The following LYRM4 variants were observed in gnomAD, a reference collection of about 807,000 sequenced individuals.
LYRM4 encodes the protein LYR motif-containing protein 4.
Under a neutral mutation model 11.7 loss-of-function variants are expected in LYRM4, and 9 were observed. The observed-to-expected ratio is 0.77, with a 90% CI of 0.46 to 1.34. The LOEUF is 1.34. Ranked by LOEUF, LYRM4 falls within the 40% of genes most tolerant of loss-of-function variation. The pLI, the probability that LYRM4 is intolerant of heterozygous loss-of-function variation, is 0.00. For synonymous variants in LYRM4, 42 were observed against 40.4 expected (o/e 1.04, Z -0.15); for missense variants, 133 against 112.5 (o/e 1.18, Z -0.82).
At chr6:5,066,150 C>A in the LYRM4 span, 1 of 584,848 alleles carries the variant, frequency 1.7e-6, no homozygotes. Context: ...TTTCCAGCCG[C>A]CCATTTTGGG....
At position 5,165,943 on chromosome 6, in the gene LYRM4, C is replaced by T. The variant is rs183316746; in HGVS notation, c.207+50675G>A. ...ACTAAAAAATTCTCAAATGAAACTA[C>T]GAATTATGGAAGAAATTTAGATTAT... On this transcript the variant is annotated intron_variant, in intron 2 of 2. Transcript: ENST00000330636. Among the ~76,000 whole-genome samples the T allele has an allele frequency of 2.0e-5, 3 of 152,136 alleles. No individual in the cohort carries two copies. In the East Asian group the frequency reaches 5.8e-4, roughly 29 times the overall value.
At chr6:5,071,858 C>T in the LYRM4 span, among the ~76,000 whole-genome samples, 39,303 of 151,846 alleles carry the variant, frequency 0.26, 5,235 homozygotes, top group Middle Eastern at 0.32. Context: ...TTGGCCAGGC[C>T]GGTCTCGAAC....
the LYRM4 span, chr6:5,066,783 G>T: frequency 3.1e-5 from 23 of 733,486 alleles, no homozygotes; most frequent in African/African-American, 2.8e-4. Context: ...GTCTAAGATG[G>T]AGTTTAACAC....
At chr6:5,168,993 A>G (rs534095365) in intron 2 of LYRM4, among the ~76,000 whole-genome samples, 1 of 152,298 alleles carries the variant, frequency 6.6e-6, no homozygotes, top group East Asian at 1.9e-4. Context: ...TGGGGAAGGT[A>G]TATGGGTTTT....
Position 5,108,990 on chromosome 6 carries a change from C to T in LYRM4, c.*433G>A, listed in dbSNP as rs1467088741. The T allele has an allele frequency of 1.8e-5, 18 of 1,000,826 alleles. No individual in the cohort carries two copies. The highest frequency in any genetic ancestry group is 9.9e-5 in the East Asian group (1 of 10,082). 62.0% of individuals were successfully genotyped at this position (1,000,826 alleles called of 1,614,324 possible). Reference sequence around the variant, plus strand: ...CTCAGAGTTGAACCCTCCCTGAGGGCCCCCAACAGCCCTCTCCAGGCCTTG... The same window carrying T: ...CTCAGAGTTGAACCCTCCCTGAGGGTCCCCAACAGCCCTCTCCAGGCCTTG... On this transcript the variant is annotated 3_prime_UTR_variant, in exon 3 of 3. Transcript: ENST00000330636.
chr6:5,066,510 C>A, the LYRM4 span: 1 of 792,776 alleles, frequency 1.3e-6, no homozygotes, highest in Non-Finnish European at 2.3e-6. Context: ...TACTCCACCA[C>A]TTCTAGGATC....
the LYRM4 span, among the ~76,000 whole-genome samples, chr6:5,036,929 C>T: frequency 5.9e-5 from 9 of 152,076 alleles, no homozygotes; most frequent in Non-Finnish European, 1.0e-4. Flanking sequence ...TAGGAGGGTG[C>T]CCTTCAAAGT....
chr6:5,120,731 C>T (rs1440111707), intron 2 of LYRM4, among the ~76,000 whole-genome samples: 2 of 152,118 alleles, frequency 1.3e-5, no homozygotes, highest in African/African-American at 4.8e-5. Context: ...CTCTAGCTAG[C>T]CTCAGAGCGC....
At chr6:5,142,794 A>C (rs1757477128) in intron 2 of LYRM4, among the ~76,000 whole-genome samples, 1 of 152,196 alleles carries the variant, frequency 6.6e-6, no homozygotes. Context: ...AGCCATGCCC[A>C]GATTTGAAGA....
intron 2 of LYRM4, among the ~76,000 whole-genome samples, chr6:5,168,566 G>A (rs1759226513): frequency 6.6e-6 from 1 of 152,178 alleles, no homozygotes; most frequent in Admixed American, 6.5e-5. Flanking sequence ...AGGAGAAAGT[G>A]GGGGTGTCCA....
At chr6:5,119,432 A>G (rs942302454) in intron 2 of LYRM4, among the ~76,000 whole-genome samples, 2 of 151,584 alleles carry the variant, frequency 1.3e-5, no homozygotes, top group African/African-American at 4.9e-5. Context: ...AGTTGTCCTC[A>G]CTCTTATCCA....
intron 1 of LYRM4, among the ~76,000 whole-genome samples, chr6:5,243,958 C>T (rs909430256): frequency 2.6e-5 from 4 of 152,212 alleles, no homozygotes; most frequent in Admixed American, 1.3e-4. Flanking sequence ...CTTTTCCTTA[C>T]GTTCTTATTT....
intron 2 of LYRM4, among the ~76,000 whole-genome samples, chr6:5,154,768 G>A (rs926114875): frequency 2.0e-5 from 3 of 152,016 alleles, no homozygotes; most frequent in African/African-American, 7.2e-5. Context: ...GCAGTGAGCC[G>A]GGATCGCGCC....
downstream of LYRM4, among the ~76,000 whole-genome samples, chr6:5,101,019 T>C (rs452785): frequency 0.76 from 115,074 of 151,864 alleles, 44,214 homozygotes; most frequent in East Asian, 0.93. Context: ...CTAGCTGGTC[T>C]CCCTACCCTC....
intron 1 of LYRM4, among the ~76,000 whole-genome samples, chr6:5,228,434 G>C (rs1405658843): frequency 6.6e-6 from 1 of 151,960 alleles, no homozygotes; most frequent in East Asian, 1.9e-4. Context: ...ATGCCACCAT[G>C]TCTGGCTAAT....
At chr6:5,181,408 C>T (rs1760066020) in intron 2 of LYRM4, among the ~76,000 whole-genome samples, 2 of 152,166 alleles carry the variant, frequency 1.3e-5, no homozygotes, top group Non-Finnish European at 2.9e-5. Flanking sequence ...ATTTCTTTTG[C>T]ATTGGCTTTT....
At chr6:5,083,829 T>C in the LYRM4 span, among the ~76,000 whole-genome samples, 1 of 152,360 alleles carries the variant, frequency 6.6e-6, no homozygotes, top group Admixed American at 6.5e-5. Flanking sequence ...CGTTTCTTAA[T>C]TAGTGGTTCT....
chr6:5,072,325 C>T, the LYRM4 span, among the ~76,000 whole-genome samples: 1 of 151,958 alleles, frequency 6.6e-6, no homozygotes, highest in African/African-American at 2.4e-5. Context: ...GATTTATATT[C>T]CTTTGGATAT....
intron 2 of LYRM4, among the ~76,000 whole-genome samples, chr6:5,189,343 T>G (rs904799387): frequency 3.3e-5 from 5 of 150,038 alleles, no homozygotes; most frequent in African/African-American, 9.9e-5. Flanking sequence ...GGTTAGTGGT[T>G]AGCCTAAGGT....
Sources: gnomAD v4.1 joint callset for allele counts (sites outside exome capture counted in the v4.1 genomes callset) on GRCh38, gnomAD v4.1.1 for gene constraint, MANE v1.5 for transcripts, NCBI Gene and HGNC (gene_info 2026-07-23, HGNC 2026-07-21) for gene names.